ZPLD1: variants seen among roughly 807,000 people sequenced by gnomAD.
ZPLD1 encodes the protein zona pellucida-like domain-containing protein 1.
Under a neutral mutation model 47.2 loss-of-function variants are expected in ZPLD1, and 34 were observed. The observed-to-expected ratio is 0.72, with a 90% confidence interval of 0.55 to 0.96. The LOEUF (loss-of-function observed/expected upper bound fraction) is 0.96. Among genes scored for constraint, ZPLD1 ranks in the 40% least tolerant of loss-of-function variants. ZPLD1 has a pLI of 0.00. For synonymous variants in ZPLD1, 176 were observed against 186.2 expected, an observed-to-expected ratio of 0.95 and a Z score of 0.45; for missense variants, 512 against 505.8, an observed-to-expected ratio of 1.01 and a Z score of -0.12.
chr3:102,430,663 A>G (rs1576142091), upstream of ZPLD1, among the ~76,000 whole-genome samples: 1 of 152,186 alleles, frequency 6.6e-6, no homozygotes, highest in African/African-American at 2.4e-5. Context: ...GCCATTATTC[A>G]TTGTTGGTAC....
At chr3:102,465,101 G>A (rs1461550355) in intron 8 of ZPLD1, among the ~76,000 whole-genome samples, 1 of 152,082 alleles carries the variant, frequency 6.6e-6, no homozygotes, top group African/African-American at 2.4e-5. Flanking sequence ...CAACATTTTT[G>A]GGAAAAATTG....
intron 8 of ZPLD1, among the ~76,000 whole-genome samples, chr3:102,465,238 G>C (rs1050509949): frequency 4.6e-5 from 7 of 152,030 alleles, no homozygotes; most frequent in African/African-American, 1.7e-4. Context: ...TAAAACATGG[G>C]AACAAATTAT....
At chr3:102,397,690 G>T (rs1304121520) in intron 7 of ZPLD1, among the ~76,000 whole-genome samples, 1 of 152,104 alleles carries the variant, frequency 6.6e-6, no homozygotes, top group Non-Finnish European at 1.5e-5. Flanking sequence ...CACGAATTTA[G>T]AAGATGACAT....
At chr3:102,468,131 C>T (rs1430414582) in intron 8 of ZPLD1, among the ~76,000 whole-genome samples, 1 of 152,042 alleles carries the variant, frequency 6.6e-6, no homozygotes, top group Non-Finnish European at 1.5e-5. Context: ...TTCATTTTTA[C>T]TCTCAAATAG....
At chr3:102,409,873 A>G (rs1377943293) in intron 7 of ZPLD1, among the ~76,000 whole-genome samples, 4 of 151,810 alleles carry the variant, frequency 2.6e-5, no homozygotes, top group African/African-American at 9.7e-5. Flanking sequence ...AAGTGTGGCT[A>G]TTTGGTAGTC....
intron 6 of ZPLD1, among the ~76,000 whole-genome samples, chr3:102,387,409 T>G (rs926107236): frequency 1.3e-5 from 2 of 152,210 alleles, no homozygotes; most frequent in Non-Finnish European, 2.9e-5. Context: ...ATTGAGATGC[T>G]CTCCCATTTC....
At chr3:102,461,926 A>G (rs1559759232) in intron 6 of ZPLD1, among the ~76,000 whole-genome samples, 1 of 152,078 alleles carries the variant, frequency 6.6e-6, no homozygotes, top group Non-Finnish European at 1.5e-5. Context: ...CTCTAATATA[A>G]TCAAATAAAT....
At position 102,406,496 on chromosome 3, in the gene ZPLD1, C is replaced by T. The variant is rs1443180461; in HGVS notation, c.-156-11564C>T. Among the ~76,000 whole-genome samples, 3 of 151,890 alleles carry T rather than the reference C, an allele frequency of 2.0e-5. No individual in the cohort carries two copies. The East Asian group carries it at 5.8e-4, about 29-fold the overall frequency. The stretch of plus-strand genomic sequence containing the variant: ...GGGTCCTTTCCTCTGTGGAATTTGT[C>T]TATACACCCTTATCCTCAGTACCAA... On this transcript the variant is annotated intron_variant, in intron 7 of 17. Transcript: ENST00000491959.
chr3:102,387,961 C>T (rs554431919), intron 6 of ZPLD1, among the ~76,000 whole-genome samples: 3 of 149,998 alleles, frequency 2.0e-5, no homozygotes, highest in African/African-American at 4.9e-5. Flanking sequence ...CCTGGGCTCA[C>T]GCCATTCTCC....
At chr3:102,437,724 A>G (rs890102519) in intron 2 of ZPLD1, among the ~76,000 whole-genome samples, 1 of 152,188 alleles carries the variant, frequency 6.6e-6, no homozygotes, top group Non-Finnish European at 1.5e-5. Context: ...GTCCATTTCT[A>G]TTTAACTGTT....
chr3:102,423,525 T>C (rs1227885195), intron 8 of ZPLD1, among the ~76,000 whole-genome samples: 3 of 152,126 alleles, frequency 2.0e-5, no homozygotes, highest in African/African-American at 7.2e-5. Flanking sequence ...AATCTTACAA[T>C]TTTATTTTGG....
At chr3:102,477,089 C>A (rs780224374) in intron 11 of ZPLD1, 48 bp downstream of exon 11, 4 of 1,597,484 alleles carry the variant, frequency 2.5e-6, no homozygotes, top group South Asian at 1.1e-5. Flanking sequence ...TTTTGGTGAT[C>A]AGTTACAAAG....
intron 4 of ZPLD1, among the ~76,000 whole-genome samples, chr3:102,455,523 C>G (rs1707399789): frequency 6.6e-6 from 1 of 152,176 alleles, no homozygotes; most frequent in Non-Finnish European, 1.5e-5. Flanking sequence ...GATTAATCCT[C>G]AGAAAATTTA....
At chr3:102,419,509 G>T (rs1706850951) in intron 8 of ZPLD1, among the ~76,000 whole-genome samples, 1 of 151,632 alleles carries the variant, frequency 6.6e-6, no homozygotes. Context: ...ACATTTCTTT[G>T]TTTCTCTCTC....
chr3:102,400,839 G>T (rs576247223), intron 7 of ZPLD1, among the ~76,000 whole-genome samples: 1 of 151,886 alleles, frequency 6.6e-6, no homozygotes, highest in Admixed American at 6.6e-5. Flanking sequence ...ATTACTGCCC[G>T]TAGCAATGGA....
Position 102,400,369 on chromosome 3 carries a change from G to A in ZPLD1, c.-157+8144G>A, listed in dbSNP as rs990268594. On this transcript the variant is annotated intron_variant, in intron 7 of 17. Transcript: ENST00000491959. The stretch of plus-strand genomic sequence containing the variant: ...CCTGTCGCTAACTAAAGGATGAGTC[G>A]TAGGCTTAGAGGTACTGGAATAAAA... Among the ~76,000 whole-genome samples the A allele has an allele frequency of 3.3e-5, 5 of 152,004 alleles. No homozygotes were observed. In the East Asian group the frequency reaches 9.7e-4, roughly 29 times the overall value.
chr3:102,408,342 C>A (rs1361329903), intron 7 of ZPLD1, among the ~76,000 whole-genome samples: 1 of 151,874 alleles, frequency 6.6e-6, no homozygotes, highest in East Asian at 1.9e-4. Context: ...AAGCCCAACC[C>A]TGTAGTTGCC....
At chr3:102,431,467 T>A (rs1707015125), upstream of ZPLD1, among the ~76,000 whole-genome samples, 1 of 152,206 alleles carries the variant, frequency 6.6e-6, no homozygotes, top group South Asian at 2.1e-4. Flanking sequence ...CCAATGAAGG[T>A]CATATATTTT....
Position 102,452,906 on chromosome 3 carries a change from A to T in ZPLD1, c.107-13A>T, listed in dbSNP as rs755048238. On this transcript the variant is annotated splice_polypyrimidine_tract_variant and intron_variant, in intron 3 of 11. Coordinates refer to ENST00000466937, the MANE Select transcript of ZPLD1 (RefSeq NM_001329788.2). ...TCTGACTTATGTTTGTTTTTTATAT[A>T]TTTTTATTTCAGCTGAAAGAGACAT... 1.2e-6 allele frequency: 2 copies of T among 1,610,360 alleles called. No homozygotes were observed. Among genetic ancestry groups the T allele is most frequent in the South Asian group, 2.2e-5 (2 of 90,698 alleles).
Sources: gnomAD v4.1 joint callset for allele counts (sites outside exome capture counted in the v4.1 genomes callset) on GRCh38, gnomAD v4.1.1 for gene constraint, MANE v1.5 for transcripts, NCBI Gene and HGNC (gene_info 2026-07-23, HGNC 2026-07-21) for gene names.